The following COL21A1 variants were observed in gnomAD, a reference collection of about 807,000 sequenced individuals.
COL21A1 encodes collagen alpha-1(XXI) chain.
COL21A1 carries 149 observed loss-of-function variants against 137.9 expected under a neutral mutation model. The observed-to-expected ratio is 1.08, with a 90% CI of 0.95 to 1.24. The LOEUF (loss-of-function observed/expected upper bound fraction) is 1.24. Among genes scored for constraint, COL21A1 ranks in the 50% most tolerant of loss-of-function variants. COL21A1 has a pLI of 0.00. For synonymous variants in COL21A1, 456 were observed against 391.5 expected (o/e 1.16, Z -1.95); for missense variants, 1,167 against 1,158.4 (o/e 1.01, Z -0.11).
At chr6:56,130,698 C>A (rs12205230) in intron 12 of COL21A1, among the ~76,000 whole-genome samples, 1 of 151,508 alleles carries the variant, frequency 6.6e-6, no homozygotes, top group Non-Finnish European at 1.5e-5. Flanking sequence ...TCTTATGTGC[C>A]GAAGGAAGAT....
At chr6:56,232,318 T>C (rs143447420) in intron 1 of COL21A1, among the ~76,000 whole-genome samples, 1 of 152,038 alleles carries the variant, frequency 6.6e-6, no homozygotes, top group African/African-American at 2.4e-5. Flanking sequence ...AAGAACAATA[T>C]GCAATGTTTA....
chr6:56,097,917 A>ATAAATATATAAATATATG (rs1562188590), intron 17 of COL21A1, among the ~76,000 whole-genome samples: 1 of 26,568 alleles, frequency 3.8e-5, no homozygotes, highest in African/African-American at 1.2e-4. Flanking sequence ...ATAAATATAT[A>ATAAATATATAAATATATG]TAAATATATA....
At chr6:56,264,934 C>A (rs1057471128) in intron 1 of COL21A1, among the ~76,000 whole-genome samples, 5 of 152,148 alleles carry the variant, frequency 3.3e-5, no homozygotes, top group African/African-American at 1.2e-4. Context: ...AGGGCATTTT[C>A]TTTCTTCTAC....
At chr6:56,145,857 A>AT (rs71787689) in intron 10 of COL21A1, among the ~76,000 whole-genome samples, 21,667 of 146,408 alleles carry the variant, frequency 0.15, 1,572 homozygotes, top group Middle Eastern at 0.23. Context: ...TAAATGAGTC[A>AT]TTTTTTTTTT....
chr6:56,189,161 A>G (rs538684576), intron 1 of COL21A1, among the ~76,000 whole-genome samples: 1 of 152,216 alleles, frequency 6.6e-6, no homozygotes, highest in Admixed American at 6.5e-5. Flanking sequence ...GGGTAATAAC[A>G]AACTCCTTCA....
chr6:56,285,987 G>T (rs559783199), intron 1 of COL21A1, among the ~76,000 whole-genome samples: 10 of 151,878 alleles, frequency 6.6e-5, no homozygotes, highest in Non-Finnish European at 1.5e-4. Flanking sequence ...CTTTTATACG[G>T]GCAGTTAATT....
chr6:56,163,347 C>G (rs1776325672), intron 9 of COL21A1, among the ~76,000 whole-genome samples: 2 of 152,154 alleles, frequency 1.3e-5, no homozygotes, highest in Admixed American at 1.3e-4. Context: ...CATGGACAAA[C>G]CACTACACTT....
intron 16 of COL21A1, among the ~76,000 whole-genome samples, chr6:56,111,641 A>T (rs780011884): frequency 6.6e-6 from 1 of 151,850 alleles, no homozygotes; most frequent in Non-Finnish European, 1.5e-5. Flanking sequence ...AGGTGGGTGA[A>T]TCACCTGAGG....
chr6:56,167,819 A>G (rs1043394564), intron 6 of COL21A1, among the ~76,000 whole-genome samples: 2 of 152,162 alleles, frequency 1.3e-5, no homozygotes, highest in African/African-American at 4.8e-5. Context: ...TCTTTTCCAA[A>G]TTTATTACTT....
intron 1 of COL21A1, among the ~76,000 whole-genome samples, chr6:56,298,409 C>T (rs1357266882): frequency 6.6e-6 from 1 of 152,030 alleles, no homozygotes; most frequent in Non-Finnish European, 1.5e-5. Flanking sequence ...TTCACTGAAA[C>T]AGTAAGAGCA....
intron 1 of COL21A1, among the ~76,000 whole-genome samples, chr6:56,257,024 C>A (rs1465392621): frequency 2.0e-5 from 3 of 152,108 alleles, no homozygotes; most frequent in African/African-American, 4.8e-5. Flanking sequence ...AGAAAGATTT[C>A]TCCATTAAAC....
intron 10 of COL21A1, among the ~76,000 whole-genome samples, chr6:56,153,532 C>T (rs1775488242): frequency 6.6e-6 from 1 of 151,768 alleles, no homozygotes; most frequent in Non-Finnish European, 1.5e-5. Context: ...CTCTGGGTCT[C>T]TGCTTCCTTT....
At position 56,322,602 on chromosome 6, in the gene COL21A1, A is replaced by G. The variant is rs562123775; in HGVS notation, c.-39+71369T>C. Among the ~76,000 whole-genome samples the G allele has an allele frequency of 1.7e-4, 26 of 152,270 alleles. No homozygotes were observed. In the East Asian group the frequency reaches 4.8e-3, roughly 28 times the overall value. On this transcript the variant is annotated intron_variant, in intron 1 of 28. Transcript: ENST00000370819. The stretch of plus-strand genomic sequence containing the variant: ...AAGTAAGTAAAATCTCAGAGAATTC[A>G]TAGTTCTTGACAAACACTACACTAC...
chr6:56,157,074 A>AAAG (rs1336992685), intron 9 of COL21A1, 125 bp from the exon 10 acceptor site: 3 of 616,310 alleles, frequency 4.9e-6, no homozygotes, highest in Non-Finnish European at 8.6e-6. Flanking sequence ...AACAAAAGTA[A>AAAG]AAAAAAAAAG....
At chr6:56,313,294 T>A (rs1005080417) in intron 1 of COL21A1, among the ~76,000 whole-genome samples, 1 of 152,084 alleles carries the variant, frequency 6.6e-6, no homozygotes, top group Admixed American at 6.6e-5. Context: ...AGACTAGTTG[T>A]TCTCTAGTGA....
intron 1 of COL21A1, among the ~76,000 whole-genome samples, chr6:56,307,692 C>G (rs935393023): frequency 6.6e-6 from 1 of 152,200 alleles, no homozygotes; most frequent in African/African-American, 2.4e-5. Flanking sequence ...ATGCCTCGCC[C>G]TGCTTGGGCT....
intron 1 of COL21A1, among the ~76,000 whole-genome samples, chr6:56,238,367 C>T (rs977054077): frequency 6.7e-6 from 1 of 149,196 alleles, no homozygotes; most frequent in African/African-American, 2.5e-5. Flanking sequence ...CAAATCTGGA[C>T]TGCAGAAGCA....
chr6:56,221,352 C>T (rs749950957), intron 1 of COL21A1, among the ~76,000 whole-genome samples: 1 of 152,078 alleles, frequency 6.6e-6, no homozygotes, highest in Non-Finnish European at 1.5e-5. Flanking sequence ...TCTTAGGTTC[C>T]AAACTAGGAA....
At position 56,234,355 on chromosome 6, in the gene COL21A1, G is replaced by A. The variant is rs1781771327; in HGVS notation, c.-39+13032C>T. ...TATAGTATGAAAAATAGAATTCAAA[G>A]CAAAAGTATTAAACAGGATCAAAAA... On this transcript the variant is annotated intron_variant, in intron 1 of 29. Transcript: ENST00000244728. Among the ~76,000 whole-genome samples, 8 of 151,716 alleles carry A rather than the reference G, an allele frequency of 5.3e-5. No homozygotes were observed. In the South Asian group the frequency reaches 1.7e-3, roughly 31 times the overall value.
Sources: allele counts gnomAD v4.1 joint callset (sites outside exome capture counted in the v4.1 genomes callset), GRCh38; gene constraint gnomAD v4.1.1; transcripts MANE v1.5; gene names NCBI Gene and HGNC (gene_info 2026-07-23, HGNC 2026-07-21).